The following IRGM variants were observed in gnomAD, a reference collection of about 807,000 sequenced individuals.
IRGM encodes immunity-related GTPase family M protein.
For missense variants in IRGM, 288 were observed against 219.9 expected, an observed-to-expected ratio of 1.31 and a Z score of -1.96; for synonymous variants, 98 against 80.6, an observed-to-expected ratio of 1.22 and a Z score of -1.16.
chr5:150,895,428 G>C, intron 3 of IRGM: 1 of 1,592,550 alleles, frequency 6.3e-7, no homozygotes, highest in African/African-American at 1.3e-5. Context: ...AGTTCATTAT[G>C]ATTTTACCAC....
At position 150,847,703 on chromosome 5, in the gene IRGM, C is replaced by T. The variant is rs1581637325; in HGVS notation, c.-415-6C>T. On this transcript the variant is annotated splice_region_variant and splice_polypyrimidine_tract_variant and intron_variant, in intron 1 of 1. Coordinates refer to ENST00000522154, the MANE Select transcript of IRGM (RefSeq NM_001145805.2). Reference sequence around the variant, plus strand: ...TCCTAACTCACCTGCTCTTCTACTTCCGCAGCTTACTCCAGTGCCCACAGA... The same window carrying T: ...TCCTAACTCACCTGCTCTTCTACTTTCGCAGCTTACTCCAGTGCCCACAGA... 3 of 176,680 alleles carry T rather than the reference C, an allele frequency of 1.7e-5. No individual in the cohort carries two copies. The East Asian group carries it at 4.3e-4, about 26-fold the overall frequency. The allele number at this position is 176,680 out of a possible 1,614,324, so 10.9% of individuals were successfully genotyped here.
At chr5:150,860,148 C>A (rs946517083) in intron 1 of IRGM, among the ~76,000 whole-genome samples, 2 of 152,060 alleles carry the variant, frequency 1.3e-5, no homozygotes, top group Non-Finnish European at 2.9e-5. Context: ...ACAATTTAAA[C>A]GTAAATTTAT....
rs577897775 is a variant in IRGM at position 150,855,194 on chromosome 5, G to C, written c.158+6540G>C. On this transcript the variant is annotated intron_variant and NMD_transcript_variant, in intron 1 of 3. Coordinates refer to the IRGM transcript ENST00000520549. ...TACACTTTTCAAAATTCTCCTACTT[G>C]GTGTAGCTCCTAGTATATCTTTGTT... 2.0e-5 allele frequency among the ~76,000 whole-genome samples: 3 copies of C among 152,082 alleles called. No individual in the cohort carries two copies. In the East Asian group the frequency reaches 5.8e-4, roughly 29 times the overall value.
At chr5:150,873,674 T>A (rs538608006) in intron 1 of IRGM, among the ~76,000 whole-genome samples, 25 of 152,286 alleles carry the variant, frequency 1.6e-4, no homozygotes, top group African/African-American at 5.8e-4. Context: ...ACTCATCCTG[T>A]GGTCATTTCC....
Position 150,857,481 on chromosome 5 carries a change from C to A in IRGM, c.158+8827C>A, listed in dbSNP as rs549933916. 1.5e-4 allele frequency among the ~76,000 whole-genome samples: 22 copies of A among 151,006 alleles called. No individual in the cohort carries two copies. The East Asian group carries it at 2.9e-3, about 20-fold the overall frequency. On this transcript the variant is annotated intron_variant and NMD_transcript_variant, in intron 1 of 3. Transcript: ENST00000520549. ...GCTGGGTCAAATGGTATTTCTAGTT[C>A]TAGATCCTTGAGGAATCGCCACACT...
chr5:150,896,007 CACTCATACG>C, intron 3 of IRGM: 1 of 1,613,496 alleles, frequency 6.2e-7, no homozygotes, highest in Non-Finnish European at 8.5e-7. Context: ...ACATTCGGTA[CACTCATACG>C]GCTTCTCTCC....
chr5:150,890,219 C>G (rs531400858), intron 3 of IRGM, among the ~76,000 whole-genome samples: 6 of 151,942 alleles, frequency 3.9e-5, no homozygotes, highest in Non-Finnish European at 7.4e-5. Context: ...ATGTTAATAT[C>G]TATTTCTTCT....
At position 150,847,976 on chromosome 5, in the gene IRGM, T is replaced by G; in HGVS notation, c.-148T>G. The G allele has an allele frequency of 1.6e-6, 1 of 640,112 alleles. No homozygotes were observed. Among genetic ancestry groups the G allele is most frequent in the Non-Finnish European group, 2.7e-6 (1 of 373,954 alleles). 39.7% of individuals were successfully genotyped at this position (640,112 alleles called of 1,614,324 possible). The stretch of plus-strand genomic sequence containing the variant: ...ACACCACCACGCGCAGCTAATTTTT[T>G]TGTATTTTAGTAGAGAAGGTTTCAC... On this transcript the variant is annotated 5_prime_UTR_variant, in exon 2 of 2. Transcript: ENST00000522154.
rs1414501331 is a variant in IRGM at position 150,848,254 on chromosome 5, A to G, written c.131A>G (p.Asn44Ser). The change falls in exon 2 of 2, where the codon AAT becomes AGT. Residue 44 changes from asparagine (N) to serine (S), a missense_variant. Physicochemically the swap from Asn to Ser is conservative, Grantham distance 46. Coordinates refer to ENST00000522154, the MANE Select transcript of IRGM (RefSeq NM_001145805.2). ...VNITMAGDSG[N>S]GMSTFISALR... ...ATCACTATGGCAGGGGACTCTGGCA[A>G]TGGGATGTCCACCTTCATCAGTGCC... is the stretch of plus-strand genomic sequence containing the variant. 2.3e-5 allele frequency: 35 copies of G among 1,551,718 alleles called. 1 individual carries two copies. In the Admixed American group the frequency reaches 6.7e-4, roughly 30 times the overall value.
At chr5:150,865,114 A>G (rs1159556708) in intron 1 of IRGM, among the ~76,000 whole-genome samples, 1 of 152,236 alleles carries the variant, frequency 6.6e-6, no homozygotes, top group Non-Finnish European at 1.5e-5. Flanking sequence ...GAAAGGGAAT[A>G]AATGGAGTTA....
intron 1 of IRGM, among the ~76,000 whole-genome samples, chr5:150,859,909 G>T (rs11167515): frequency 0.14 from 20,690 of 151,886 alleles, 1,874 homozygotes; most frequent in East Asian, 0.39. Flanking sequence ...TGACTTGATT[G>T]TACAGGATGA....
intron 3 of IRGM, chr5:150,900,546 C>T (rs992113309): frequency 2.6e-5 from 4 of 152,032 alleles, no homozygotes; most frequent in African/African-American, 7.2e-5. Context: ...ACATCTCTGC[C>T]GATGTGTTAA....
At position 150,848,385 on chromosome 5, in the gene IRGM, T is replaced by G. The variant is rs781556508; in HGVS notation, c.262T>G (p.Leu88Val). ...YFSSHFSNVV[L>V]WDLPGTGSAT... is the part of the protein sequence containing the mutation. Reference sequence around the variant, plus strand: ...CTCTTCCCACTTTTCAAATGTGGTGTTGTGGGACCTGCCTGGCACAGGGTC... The same window carrying G: ...CTCTTCCCACTTTTCAAATGTGGTGGTGTGGGACCTGCCTGGCACAGGGTC... Residue 88 changes from leucine to valine, a missense_variant, in exon 2 of 2, where the codon TTG becomes GTG. Physicochemically the swap from Leu to Val is conservative, Grantham distance 32. Coordinates refer to ENST00000522154, the MANE Select transcript of IRGM (RefSeq NM_001145805.2). 1.0e-5 allele frequency: 16 copies of G among 1,551,862 alleles called. No individual in the cohort carries two copies. Among genetic ancestry groups the G allele is most frequent in the African/African-American group, 1.4e-5 (1 of 73,168 alleles).
At chr5:150,873,329 A>G (rs543571671) in intron 1 of IRGM, among the ~76,000 whole-genome samples, 9 of 152,322 alleles carry the variant, frequency 5.9e-5, no homozygotes, top group Admixed American at 1.3e-4. Context: ...TCCAGACTTG[A>G]ACCAGTTTAC....
At chr5:150,897,178 C>T (rs1187176210) in intron 3 of IRGM, 4 of 438,860 alleles carry the variant, frequency 9.1e-6, no homozygotes. Context: ...CATGTAAAAA[C>T]TAAACTTAAA....
chr5:150,902,316 CA>C (rs1407728165), downstream of IRGM, among the ~76,000 whole-genome samples: 1 of 152,046 alleles, frequency 6.6e-6, no homozygotes, highest in African/African-American at 2.4e-5. Flanking sequence ...AAAGATTTGC[CA>C]GATAAATATA....
intron 3 of IRGM, among the ~76,000 whole-genome samples, chr5:150,886,289 C>G (rs1460424371): frequency 6.6e-6 from 1 of 152,020 alleles, no homozygotes; most frequent in Non-Finnish European, 1.5e-5. Flanking sequence ...TGATGTGCTG[C>G]TGGATTTGGT....
At chr5:150,899,266 C>A (rs1034261922) in intron 3 of IRGM, among the ~76,000 whole-genome samples, 5 of 151,646 alleles carry the variant, frequency 3.3e-5, no homozygotes, top group African/African-American at 1.2e-4. Context: ...AACCAATACA[C>A]TATATAATAC....
At chr5:150,854,589 G>A (rs1754024460) in intron 1 of IRGM, among the ~76,000 whole-genome samples, 1 of 152,118 alleles carries the variant, frequency 6.6e-6, no homozygotes, top group Admixed American at 6.5e-5. Context: ...AGAATTCTCA[G>A]TTGACAAGTA....
Sources: allele counts gnomAD v4.1 joint callset (sites outside exome capture counted in the v4.1 genomes callset), GRCh38; gene constraint gnomAD v4.1.1; transcripts MANE v1.5; gene names NCBI Gene and HGNC (gene_info 2026-07-23, HGNC 2026-07-21).